Variants in BMPR1A observed in about 807,000 individuals in gnomAD.
BMPR1A encodes the protein bone morphogenetic protein receptor type-1A.
A neutral mutation model predicts 66.0 loss-of-function variants in BMPR1A; 7 were observed. That is an observed-to-expected ratio of 0.11 (90% CI 0.06 to 0.20). The LOEUF is 0.20. BMPR1A is among the 10% of genes least tolerant of loss of function. The pLI, the probability that BMPR1A is intolerant of heterozygous loss-of-function variation, is 1.00. For missense variants in BMPR1A, 408 were observed against 669.1 expected, an observed-to-expected ratio of 0.61 and a Z score of 4.31; for synonymous variants, 200 against 229.7, an observed-to-expected ratio of 0.87 and a Z score of 1.17.
At position 86,921,544 on chromosome 10, in the gene BMPR1A, C is replaced by T; in HGVS notation, c.1191C>T (p.Pro397=). 2 of 1,614,048 alleles carry T rather than the reference C, an allele frequency of 1.2e-6. No homozygotes were observed. Among genetic ancestry groups the T allele is most frequent in the Non-Finnish European group, 1.7e-6 (2 of 1,179,974 alleles). The change falls in exon 11 of 13, where the codon CCC becomes CCT. Residue 397 remains proline, a synonymous_variant. Transcript: ENST00000372037. ...GTGACACAAATGAAGTTGATGTGCC[C>T]TTGAATACCAGGGTGGGCACCAAAC... is the stretch of plus-strand genomic sequence containing the variant. ...FNSDTNEVDV[P]LNTRVGTKRY...
At chr10:86,773,539 G>A (rs1055931976) in intron 1 of BMPR1A, among the ~76,000 whole-genome samples, 3 of 148,408 alleles carry the variant, frequency 2.0e-5, no homozygotes, top group African/African-American at 7.4e-5. Flanking sequence ...GTTGCAGTGA[G>A]CCGAGATCAC....
chr10:86,789,892 C>A lies in BMPR1A; in HGVS notation c.-268+32973C>A, dbSNP rs574854978. ...AAATCAAAGGCTGGGCACGGTGGCT[C>A]ACGCCTGTAATCCTAGCACTTTGGG... is the stretch of plus-strand genomic sequence containing the variant. On this transcript the variant is annotated intron_variant, in intron 1 of 12. Transcript: ENST00000372037. Among the ~76,000 whole-genome samples the A allele has an allele frequency of 2.0e-5, 3 of 149,470 alleles. No homozygotes were observed. In the Admixed American group the frequency reaches 2.0e-4, roughly 10 times the overall value.
intron 8 of BMPR1A, among the ~76,000 whole-genome samples, chr10:86,912,682 G>C (rs1843508820): frequency 6.6e-6 from 1 of 152,186 alleles, no homozygotes; most frequent in Non-Finnish European, 1.5e-5. Context: ...GCAAGAGTTA[G>C]CTCACAAGTT....
chr10:86,850,916 T>C (rs1301933868), intron 2 of BMPR1A, among the ~76,000 whole-genome samples: 3 of 152,216 alleles, frequency 2.0e-5, no homozygotes, highest in East Asian at 1.9e-4. Flanking sequence ...TGAGAAAGAA[T>C]TATGAATACA....
Position 86,925,249 on chromosome 10 carries a change from ATATT to A in BMPR1A, c.*1535_*1538del, listed in dbSNP as rs747020756. ...CTTATACTTCTTTAATGCTTTTTAA[ATATT>A]TATTCTGAGCAAACAATTCATGAGT... On this transcript the variant is annotated 3_prime_UTR_variant, in exon 13 of 13. Transcript: ENST00000372037. 16 of 226,120 alleles carry A rather than the reference ATATT, an allele frequency of 7.1e-5. No homozygotes were observed. The highest frequency in any genetic ancestry group is 5.2e-4 in the East Asian group (8 of 15,356). The allele number at this position is 226,120 out of a possible 1,614,324, so 14.0% of individuals were successfully genotyped here.
intron 1 of BMPR1A, among the ~76,000 whole-genome samples, chr10:86,757,813 ACTT>A (rs1180395327): frequency 2.0e-5 from 3 of 152,216 alleles, no homozygotes; most frequent in African/African-American, 7.2e-5. Context: ...AGGTTAACTA[ACTT>A]GTCTAAGGGA....
intron 5 of BMPR1A, among the ~76,000 whole-genome samples, chr10:86,894,080 C>T (rs1843193429): frequency 6.6e-6 from 1 of 152,226 alleles, no homozygotes; most frequent in Non-Finnish European, 1.5e-5. Context: ...TCTCCACTTC[C>T]TCAGTGTAAT....
intron 1 of BMPR1A, among the ~76,000 whole-genome samples, chr10:86,764,027 G>A (rs186901538): frequency 3.2e-4 from 48 of 152,206 alleles, no homozygotes; most frequent in African/African-American, 1.0e-3. Context: ...TCCTGACCTC[G>A]TGATCCTCCC....
chr10:86,798,365 T>A (rs533243846), intron 1 of BMPR1A, among the ~76,000 whole-genome samples: 2 of 152,360 alleles, frequency 1.3e-5, no homozygotes, highest in African/African-American at 4.8e-5. Context: ...CCTTTCCACA[T>A]TATTTGATAA....
At position 86,756,804 on chromosome 10, in the gene BMPR1A, T is replaced by C. The variant is rs1847876021; in HGVS notation, c.-383T>C. The C allele has an allele frequency of 6.6e-6, 1 of 150,828 alleles. No homozygotes were observed. 9.3% of individuals were successfully genotyped at this position (150,828 alleles called of 1,614,324 possible). A position where few individuals can be genotyped will look rare whatever the true frequency, so the allele number is the denominator to read the frequency against. On this transcript the variant is annotated 5_prime_UTR_variant, in exon 1 of 13. Coordinates refer to ENST00000372037, the MANE Select transcript of BMPR1A (RefSeq NM_004329.3). ...ACGGCCCGATCGAGGGGCGACCGGG[T>C]CGGGGCCGCTGCACGCCAAGGGCGA...
intron 1 of BMPR1A, among the ~76,000 whole-genome samples, chr10:86,790,958 T>C (rs562137296): frequency 1.3e-5 from 2 of 152,352 alleles, no homozygotes; most frequent in South Asian, 4.1e-4. Flanking sequence ...AGAAAATGAA[T>C]GGCCATAGCC....
At chr10:86,863,841 T>TA (rs1159354262) in intron 2 of BMPR1A, among the ~76,000 whole-genome samples, 2 of 152,162 alleles carry the variant, frequency 1.3e-5, no homozygotes, top group African/African-American at 2.4e-5. Flanking sequence ...TACCCTGAAT[T>TA]AAAAAAAATT....
At position 86,814,736 on chromosome 10, in the gene BMPR1A, A is replaced by C. The variant is rs150497327; in HGVS notation, c.-267-24129A>C. On this transcript the variant is annotated intron_variant, in intron 1 of 12. Coordinates refer to ENST00000372037, the MANE Select transcript of BMPR1A (RefSeq NM_004329.3). ...TTCTAGCATGATGTATTTGTCTGTA[A>C]GGAGGATGTTGTTTTGTTGTTTTGT... Among the ~76,000 whole-genome samples the C allele has an allele frequency of 1.8e-3, 263 of 149,458 alleles. 3 individuals carry two copies. Among genetic ancestry groups the C allele is most frequent in the African/African-American group, 6.1e-3 (249 of 40,946 alleles).
intron 2 of BMPR1A, among the ~76,000 whole-genome samples, chr10:86,857,124 T>C (rs184377263): frequency 6.6e-6 from 1 of 152,308 alleles, no homozygotes; most frequent in East Asian, 1.9e-4. Flanking sequence ...GGCCATGTGA[T>C]TGAACTCAAA....
chr10:86,835,576 A>G (rs1589738859), intron 1 of BMPR1A, among the ~76,000 whole-genome samples: 1 of 118,286 alleles, frequency 8.5e-6, no homozygotes, highest in Admixed American at 8.9e-5. Context: ...AAAAAAAAAA[A>G]AAAAAAAAAA....
intron 5 of BMPR1A, 152 bp from the exon 6 acceptor site, chr10:86,899,642 A>G: frequency 1.2e-6 from 1 of 823,610 alleles, no homozygotes; most frequent in Non-Finnish European, 1.9e-6. Flanking sequence ...ATTTCAGCAC[A>G]AATTTTAATC....
chr10:86,861,182 G>A (rs1248823566), intron 2 of BMPR1A, among the ~76,000 whole-genome samples: 1 of 151,986 alleles, frequency 6.6e-6, no homozygotes, highest in Non-Finnish European at 1.5e-5. Flanking sequence ...ATTTCAACCT[G>A]AAAAGATGTT....
At chr10:86,802,859 CCAGGAGTTGGAGA>C (rs1231506006) in intron 1 of BMPR1A, among the ~76,000 whole-genome samples, 1 of 151,548 alleles carries the variant, frequency 6.6e-6, no homozygotes, top group Non-Finnish European at 1.5e-5. Context: ...TTGCTTGAGC[CCAGGAGTTGGAGA>C]CCTGCGTGGA....
chr10:86,790,248 T>A (rs1282661314), intron 1 of BMPR1A, among the ~76,000 whole-genome samples: 22 of 94,204 alleles, frequency 2.3e-4, no homozygotes, highest in African/African-American at 5.9e-4. Context: ...AAAACCACAA[T>A]GAGATTCTGC....
Sources: gnomAD v4.1 joint callset for allele counts (sites outside exome capture counted in the v4.1 genomes callset) on GRCh38, gnomAD v4.1.1 for gene constraint, MANE v1.5 for transcripts, NCBI Gene and HGNC (gene_info 2026-07-23, HGNC 2026-07-21) for gene names.